MACC1: variants seen among roughly 807,000 people sequenced by gnomAD.
MACC1 encodes metastasis-associated in colon cancer protein 1.
A neutral mutation model predicts 70.7 loss-of-function variants in MACC1; 79 were observed. The ratio of observed to expected loss-of-function variants is 1.12; its 90% CI spans 0.93 to 1.35. The LOEUF is 1.35. Among genes scored for constraint, MACC1 ranks in the 40% most tolerant of loss-of-function variants. The probability of loss-of-function intolerance (pLI) is 0.00; values close to 1 mark genes in which losing one functional copy is unlikely to be tolerated. For synonymous variants in MACC1, 361 were observed against 347.2 expected (o/e 1.04, Z -0.44); for missense variants, 1,106 against 978.1 (o/e 1.13, Z -1.74).
intron 6 of MACC1, among the ~76,000 whole-genome samples, chr7:20,149,798 T>C (rs549615582): frequency 6.6e-6 from 1 of 152,302 alleles, no homozygotes; most frequent in South Asian, 2.1e-4. Flanking sequence ...CCTTCAAAGC[T>C]AGCATGTCTC....
chr7:20,193,588 C>T (rs1029295077), intron 1 of MACC1, among the ~76,000 whole-genome samples: 6 of 152,146 alleles, frequency 3.9e-5, no homozygotes, highest in Non-Finnish European at 5.9e-5. Context: ...CAGAATTCAG[C>T]TTCTACGATC....
intron 5 of MACC1, among the ~76,000 whole-genome samples, chr7:20,155,536 A>G (rs909960248): frequency 6.6e-6 from 1 of 152,168 alleles, no homozygotes; most frequent in Non-Finnish European, 1.5e-5. Context: ...AGGTAACCCA[A>G]ACCACAGAAA....
intron 3 of MACC1, among the ~76,000 whole-genome samples, chr7:20,162,299 G>A (rs943451582): frequency 1.3e-5 from 2 of 152,050 alleles, no homozygotes; most frequent in African/African-American, 2.4e-5. Context: ...ACGTAAATGT[G>A]TATGTGTATT....
At chr7:20,180,162 T>C (rs1211017024) in intron 1 of MACC1, among the ~76,000 whole-genome samples, 2 of 152,030 alleles carry the variant, frequency 1.3e-5, no homozygotes, top group African/African-American at 2.4e-5. Context: ...ATATAGGCAA[T>C]GGCCAGGCAT....
At chr7:20,177,854 A>G (rs913630039) in intron 1 of MACC1, among the ~76,000 whole-genome samples, 1 of 151,954 alleles carries the variant, frequency 6.6e-6, no homozygotes, top group Non-Finnish European at 1.5e-5. Flanking sequence ...CTGGTTGTCC[A>G]GCCCCAAATT....
At chr7:20,196,249 C>T (rs796654591) in intron 1 of MACC1, among the ~76,000 whole-genome samples, 3 of 152,198 alleles carry the variant, frequency 2.0e-5, no homozygotes, top group East Asian at 1.9e-4. Flanking sequence ...GGCGCCATCT[C>T]GGCTCACTGC....
At chr7:20,207,780 C>T (rs1289412847) in intron 1 of MACC1, among the ~76,000 whole-genome samples, 2 of 152,172 alleles carry the variant, frequency 1.3e-5, no homozygotes, top group Non-Finnish European at 2.9e-5. Context: ...AAAAATATTA[C>T]ATAACTTTTA....
chr7:20,184,823 G>T (rs1782560648), intron 1 of MACC1, among the ~76,000 whole-genome samples: 1 of 152,050 alleles, frequency 6.6e-6, no homozygotes, highest in Non-Finnish European at 1.5e-5. Flanking sequence ...TTTTCCCAAG[G>T]AAAGTTTATT....
intron 1 of MACC1, among the ~76,000 whole-genome samples, chr7:20,213,581 A>G (rs1402277854): frequency 9.9e-5 from 15 of 152,256 alleles, no homozygotes; most frequent in Non-Finnish European, 4.4e-5. Context: ...ACACCATGGA[A>G]TACTACATAG....
At chr7:20,212,969 C>A (rs1270470645) in intron 1 of MACC1, among the ~76,000 whole-genome samples, 1 of 152,138 alleles carries the variant, frequency 6.6e-6, no homozygotes, top group Non-Finnish European at 1.5e-5. Flanking sequence ...CAGGGACTGG[C>A]TTAAAGAAGC....
chr7:20,161,780 G>T lies in MACC1; in HGVS notation c.83C>A (p.Ala28Asp). The T allele has an allele frequency of 6.2e-7, 1 of 1,612,002 alleles. No homozygotes were observed. Among genetic ancestry groups the T allele is most frequent in the Non-Finnish European group, 8.5e-7 (1 of 1,178,536 alleles). Residue 28 changes from alanine to aspartate, a missense_variant, in exon 4 of 7, where the codon GCT becomes GAT. Physicochemically the swap from Ala to Asp is moderately radical, Grantham distance 126. Coordinates refer to ENST00000400331, the MANE Select transcript of MACC1 (RefSeq NM_182762.4). ...ATTGCAACTTTTTGAGAGTTTTCCA[G>T]CTTCCATGTCAATCAAATTTGCTTC... ...MSEANLIDME[A>D]GKLSKSCNIT...
chr7:20,206,537 T>A (rs911996277), intron 1 of MACC1, among the ~76,000 whole-genome samples: 7 of 152,158 alleles, frequency 4.6e-5, no homozygotes, highest in Non-Finnish European at 7.4e-5. Flanking sequence ...ACATTAATGT[T>A]ATTACATCAG....
At chr7:20,141,864 C>T (rs1781808938) in intron 6 of MACC1, 2 of 151,712 alleles carry the variant, frequency 1.3e-5, no homozygotes, top group Admixed American at 6.6e-5. Flanking sequence ...GTAATGGTAA[C>T]CAAGGCAACC....
At chr7:20,193,887 C>T (rs769027231) in intron 1 of MACC1, among the ~76,000 whole-genome samples, 10 of 151,392 alleles carry the variant, frequency 6.6e-5, no homozygotes, top group Middle Eastern at 3.2e-3. Context: ...CATCTTTATT[C>T]CCCCGCCCCC....
At chr7:20,197,062 C>G (rs1782764819) in intron 1 of MACC1, among the ~76,000 whole-genome samples, 1 of 152,154 alleles carries the variant, frequency 6.6e-6, no homozygotes, top group African/African-American at 2.4e-5. Context: ...GTCACCCCAC[C>G]AGAACTCAAA....
chr7:20,179,486 C>T (rs570022731), intron 1 of MACC1, among the ~76,000 whole-genome samples: 2 of 152,138 alleles, frequency 1.3e-5, no homozygotes, highest in South Asian at 4.1e-4. Flanking sequence ...TCGGTTGCCT[C>T]CATTGGGCTT....
intron 6 of MACC1, among the ~76,000 whole-genome samples, chr7:20,142,572 G>A (rs746725162): frequency 1.3e-5 from 2 of 152,154 alleles, no homozygotes; most frequent in Non-Finnish European, 2.9e-5. Context: ...ATGTGAATGA[G>A]GCATCTGCTC....
chr7:20,160,359 T>C, intron 4 of MACC1, 114 bp from the exon 5 acceptor site: 1 of 1,267,770 alleles, frequency 7.9e-7, no homozygotes, highest in Non-Finnish European at 1.1e-6. Context: ...TCATTTTTCT[T>C]TCTGATCTCT....
chr7:20,179,870 G>T (rs1209554360), intron 1 of MACC1, among the ~76,000 whole-genome samples: 4 of 152,186 alleles, frequency 2.6e-5, no homozygotes, highest in Middle Eastern at 3.2e-3. Context: ...CACACAAAGT[G>T]TGGTAGGTCT....
Sources: gnomAD v4.1 joint callset for allele counts (sites outside exome capture counted in the v4.1 genomes callset) on GRCh38, gnomAD v4.1.1 for gene constraint, MANE v1.5 for transcripts, NCBI Gene and HGNC (gene_info 2026-07-23, HGNC 2026-07-21) for gene names.